CFH: variants seen among roughly 807,000 people sequenced by gnomAD.
CFH encodes H factor 1 (complement).
CFH carries 53 observed loss-of-function variants against 147.3 expected under a neutral mutation model. The observed-to-expected ratio is 0.36, with a 90% confidence interval of 0.29 to 0.45. CFH has a LOEUF of 0.45. Ranked by LOEUF, CFH falls within the 20% of genes least tolerant of loss-of-function variation. The probability of loss-of-function intolerance (pLI) is 1.00; values close to 1 mark genes in which losing one functional copy is unlikely to be tolerated. For synonymous variants in CFH, 536 were observed against 489.4 expected, an observed-to-expected ratio of 1.10 and a Z score of -1.26; for missense variants, 1,380 against 1,498.0, an observed-to-expected ratio of 0.92 and a Z score of 1.30.
chr1:196,741,554 G>A (rs1652809623), intron 18 of CFH: 1 of 328,908 alleles, frequency 3.0e-6, no homozygotes, highest in Non-Finnish European at 5.8e-6. Flanking sequence ...ATGAGATTTG[G>A]GTGAGGACAC....
chr1:196,725,758 C>T (rs546226319), intron 12 of CFH, among the ~76,000 whole-genome samples: 180 of 152,236 alleles, frequency 1.2e-3, no homozygotes, highest in African/African-American at 4.0e-3. Flanking sequence ...CAGTGACAGG[C>T]TCTTTTTAAG....
chr1:196,718,640 G>A (rs1319801085), intron 11 of CFH, among the ~76,000 whole-genome samples: 1 of 152,026 alleles, frequency 6.6e-6, no homozygotes, highest in East Asian at 1.9e-4. Flanking sequence ...TAGGTTTTAT[G>A]AAGCCAGAAG....
chr1:196,735,851 C>A (rs933843301), intron 15 of CFH, among the ~76,000 whole-genome samples: 3 of 151,952 alleles, frequency 2.0e-5, no homozygotes, highest in South Asian at 2.1e-4. Flanking sequence ...TTATCAATAA[C>A]CTTTAATGAA....
At chr1:196,672,908 A>G (rs1449280214) in intron 1 of CFH, 70 bp from the exon 2 acceptor site, 20 of 1,339,244 alleles carry the variant, frequency 1.5e-5, no homozygotes, top group Admixed American at 4.0e-5. Context: ...TTTAAAAGCA[A>G]CAATTACCTA....
At chr1:196,726,333 T>C (rs1669135848) in intron 12 of CFH, 137 bp from the exon 13 acceptor site, 5 of 689,518 alleles carry the variant, frequency 7.3e-6, no homozygotes, top group Non-Finnish European at 1.2e-5. Flanking sequence ...AACACCATTC[T>C]TGATTGTTTA....
chr1:196,739,756 A>T (rs1652744048), intron 17 of CFH, among the ~76,000 whole-genome samples: 1 of 152,162 alleles, frequency 6.6e-6, no homozygotes, highest in Non-Finnish European at 1.5e-5. Context: ...CCTGCCTGTT[A>T]TCCAGTTCCA....
chr1:196,687,884 CA>C (rs1176925386), intron 7 of CFH, among the ~76,000 whole-genome samples: 3 of 151,730 alleles, frequency 2.0e-5, no homozygotes, highest in Non-Finnish European at 2.9e-5. Context: ...GATTGTAGGC[CA>C]AGAAACTATA....
rs111565027 is a variant in CFH at position 196,710,649 on chromosome 1, G to T, written c.1337-3086G>T. ...TTCGTATGTGCAAAACATTGTGCTT[G>T]GTTATTCACTAGAACTGGGACACAT... On this transcript the variant is annotated intron_variant, in intron 9 of 21. Transcript: ENST00000367429. 6.9e-3 allele frequency among the ~76,000 whole-genome samples: 1,048 copies of T among 152,218 alleles called. 9 individuals carry two copies. Among genetic ancestry groups the T allele is most frequent in the African/African-American group, 0.024 (978 of 41,548 alleles).
chr1:196,697,225 A>G (rs1668303951), intron 9 of CFH, among the ~76,000 whole-genome samples: 1 of 152,206 alleles, frequency 6.6e-6, no homozygotes, highest in South Asian at 2.1e-4. Context: ...GGCAACCTAC[A>G]GAATGGGAGA....
At chr1:196,652,280 T>C in intron 1 of CFH, 105 bp downstream of exon 1, 1 of 871,058 alleles carries the variant, frequency 1.1e-6, no homozygotes, top group Non-Finnish European at 1.9e-6. Context: ...TGTGCTTAAG[T>C]ATTCTGTAAC....
At chr1:196,656,867 G>A (rs12134975) in intron 1 of CFH, among the ~76,000 whole-genome samples, 4,758 of 152,042 alleles carry the variant, frequency 0.031, 106 homozygotes, top group South Asian at 0.067. Context: ...CTCTAATTAT[G>A]ACATACTTGT....
intron 9 of CFH, among the ~76,000 whole-genome samples, chr1:196,706,449 A>G (rs1668590859): frequency 2.6e-5 from 4 of 152,048 alleles, no homozygotes; most frequent in Admixed American, 2.6e-4. Context: ...AGAGGTGAAC[A>G]GAGAAAAAAA....
chr1:196,702,306 T>A (rs1280398658), intron 9 of CFH, among the ~76,000 whole-genome samples: 1 of 151,944 alleles, frequency 6.6e-6, no homozygotes, highest in East Asian at 1.9e-4. Context: ...GTGTCACTTC[T>A]TATACCCAAC....
Position 196,672,930 on chromosome 1 carries a change from C to T in CFH, c.59-48C>T, listed in dbSNP as rs749999830. The T allele has an allele frequency of 1.3e-5, 19 of 1,483,388 alleles. No individual in the cohort carries two copies. The East Asian group carries it at 4.2e-4, about 33-fold the overall frequency. The allele number at this position is 1,483,388 out of a possible 1,614,324, so 91.9% of individuals were successfully genotyped here. On this transcript the variant is annotated intron_variant, in intron 1 of 21. Coordinates refer to ENST00000367429, the MANE Select transcript of CFH (RefSeq NM_000186.4). ...GCAACAATTACCTAAATATACTGTA[C>T]ATTTAAATAGACACTTTATGCACTT...
intron 9 of CFH, among the ~76,000 whole-genome samples, chr1:196,693,955 GGTGTGTGTGTGTGTGTGTGTGT>G (rs71567586): frequency 4.9e-4 from 70 of 142,758 alleles, no homozygotes; most frequent in African/African-American, 1.7e-3. Context: ...TTAGATAAAT[GGTGTGTGTGTGTGTGTGTGTGT>G]GTGTGTGTGT....
chr1:196,688,875 T>C (rs1389720005), intron 7 of CFH, among the ~76,000 whole-genome samples: 1 of 152,120 alleles, frequency 6.6e-6, no homozygotes, highest in African/African-American at 2.4e-5. Flanking sequence ...CCTTCCAAAG[T>C]GCTGGGATTA....
chr1:196,733,182 G>C (rs1242218382), intron 15 of CFH, among the ~76,000 whole-genome samples: 3 of 152,016 alleles, frequency 2.0e-5, no homozygotes, highest in Non-Finnish European at 4.4e-5. Context: ...TTTGGCTTTG[G>C]CTGCGGGAAG....
intron 9 of CFH, among the ~76,000 whole-genome samples, chr1:196,705,323 G>C (rs536406007): frequency 1.2e-4 from 19 of 152,250 alleles, no homozygotes; most frequent in African/African-American, 4.6e-4. Context: ...TTTCGGACTG[G>C]AGAGAAGCTC....
intron 11 of CFH, among the ~76,000 whole-genome samples, chr1:196,722,140 C>A (rs1300469806): frequency 6.6e-6 from 1 of 151,896 alleles, no homozygotes; most frequent in Non-Finnish European, 1.5e-5. Context: ...TTTAATAAGA[C>A]CTGTGAGTTT....
Sources: allele counts gnomAD v4.1 joint callset (sites outside exome capture counted in the v4.1 genomes callset), GRCh38; gene constraint gnomAD v4.1.1; transcripts MANE v1.5; gene names NCBI Gene and HGNC (gene_info 2026-07-23, HGNC 2026-07-21).